Variants in PTPRG observed in about 807,000 individuals in gnomAD.
PTPRG encodes the protein protein tyrosine phosphatase receptor type G, also known as receptor-type tyrosine-protein phosphatase gamma.
Under a neutral mutation model 165.3 loss-of-function variants are expected in PTPRG, and 102 were observed. That is an observed-to-expected ratio of 0.62 (90% CI 0.53 to 0.73). The LOEUF (loss-of-function observed/expected upper bound fraction) is 0.73, where lower values mean the gene tolerates loss of function less well. PTPRG is among the 30% of genes least tolerant of loss of function. The pLI is 0.00. For missense variants in PTPRG, 1,866 were observed against 1,861.4 expected, an observed-to-expected ratio of 1.00 and a Z score of -0.05; for synonymous variants, 675 against 669.5, an observed-to-expected ratio of 1.01 and a Z score of -0.13.
At chr3:61,690,969 T>G (rs182965093) in intron 1 of PTPRG, among the ~76,000 whole-genome samples, 200 of 152,298 alleles carry the variant, frequency 1.3e-3, no homozygotes, top group Admixed American at 2.2e-3. Flanking sequence ...AATTGCTATG[T>G]TTTTACATAG....
chr3:62,225,992 A>G (rs1315290076), intron 13 of PTPRG, among the ~76,000 whole-genome samples: 1 of 152,190 alleles, frequency 6.6e-6, no homozygotes, highest in Non-Finnish European at 1.5e-5. Context: ...CATACTAGAC[A>G]TGTGCTCAGC....
chr3:61,612,677 CAG>C (rs1203195310), intron 1 of PTPRG, among the ~76,000 whole-genome samples: 6 of 152,146 alleles, frequency 3.9e-5, no homozygotes, highest in Non-Finnish European at 7.3e-5. Context: ...AGTGTATTCT[CAG>C]TGCAACACTT....
intron 2 of PTPRG, among the ~76,000 whole-genome samples, chr3:61,881,377 A>C (rs1241107745): frequency 6.6e-6 from 1 of 152,198 alleles, no homozygotes; most frequent in Non-Finnish European, 1.5e-5. Flanking sequence ...TGGTGGTAAC[A>C]TCTGCCTTGC....
intron 1 of PTPRG, among the ~76,000 whole-genome samples, chr3:61,686,381 C>T (rs1326323824): frequency 6.6e-6 from 1 of 152,224 alleles, no homozygotes; most frequent in Non-Finnish European, 1.5e-5. Flanking sequence ...CATGTTAGAA[C>T]TGGCCTGTGC....
intron 6 of PTPRG, among the ~76,000 whole-genome samples, chr3:62,145,576 T>C (rs918592464): frequency 6.6e-6 from 1 of 152,078 alleles, no homozygotes; most frequent in East Asian, 1.9e-4. Flanking sequence ...CGAAGATGAT[T>C]TGGGTAGCCA....
At chr3:62,100,847 T>G (rs1250745400) in intron 5 of PTPRG, among the ~76,000 whole-genome samples, 1 of 152,218 alleles carries the variant, frequency 6.6e-6, no homozygotes, top group Non-Finnish European at 1.5e-5. Flanking sequence ...CTTTTTTGTT[T>G]TGTTTCGTTT....
intron 27 of PTPRG, among the ~76,000 whole-genome samples, chr3:62,282,384 A>G (rs1599742): frequency 0.57 from 86,154 of 151,112 alleles, 25,276 homozygotes; most frequent in African/African-American, 0.69. Flanking sequence ...CCATATGACT[A>G]GTTAATTTTT....
chr3:61,662,351 G>C (rs1021578953), intron 1 of PTPRG, among the ~76,000 whole-genome samples: 1 of 152,128 alleles, frequency 6.6e-6, no homozygotes, highest in African/African-American at 2.4e-5. Context: ...CCTGTGGAGG[G>C]GCCTGTGTTG....
At chr3:61,583,725 A>T (rs1235240182) in intron 1 of PTPRG, among the ~76,000 whole-genome samples, 2 of 152,054 alleles carry the variant, frequency 1.3e-5, no homozygotes, top group African/African-American at 4.8e-5. Flanking sequence ...TGGCATCTTG[A>T]GCCACGTGAC....
Position 61,981,493 on chromosome 3 carries a change from A to G in PTPRG, c.191-8132A>G, listed in dbSNP as rs114597413. Among the ~76,000 whole-genome samples, 696 of 152,320 alleles carry G rather than the reference A, an allele frequency of 4.6e-3. 4 individuals are homozygous for G. The highest frequency in any genetic ancestry group is 0.015 in the African/African-American group (623 of 41,576). On this transcript the variant is annotated intron_variant, in intron 2 of 29. Coordinates refer to ENST00000474889, the MANE Select transcript of PTPRG (RefSeq NM_002841.4). ...TGGGTCAGGGTCATGCCATTTAGAT[A>G]TTAGTATTTGGATGTGTGTTCCTAG...
intron 1 of PTPRG, among the ~76,000 whole-genome samples, chr3:61,647,229 G>A (rs1462117185): frequency 6.6e-6 from 1 of 152,190 alleles, no homozygotes; most frequent in Non-Finnish European, 1.5e-5. Flanking sequence ...AATTGGCAGT[G>A]TTTGAACAGC....
intron 1 of PTPRG, among the ~76,000 whole-genome samples, chr3:61,722,720 GGTGAATTTTAT>G (rs2032102664): frequency 6.6e-6 from 1 of 152,126 alleles, no homozygotes. Flanking sequence ...AATGAGTAAC[GGTGAATTTTAT>G]GTTATGTCTG....
intron 1 of PTPRG, among the ~76,000 whole-genome samples, chr3:61,569,296 T>C (rs1699999674): frequency 6.6e-6 from 1 of 152,232 alleles, no homozygotes; most frequent in African/African-American, 2.4e-5. Context: ...CTAGCCGTGC[T>C]ACCTTAGAAA....
At chr3:62,120,722 C>T (rs540066351) in intron 5 of PTPRG, among the ~76,000 whole-genome samples, 14 of 150,594 alleles carry the variant, frequency 9.3e-5, no homozygotes, top group African/African-American at 2.4e-4. Context: ...TGCACTCCAG[C>T]CTGGGTGACA....
Position 61,742,625 on chromosome 3 carries a change from C to G in PTPRG, c.86-6253C>G, listed in dbSNP as rs891093281. 3.1e-6 allele frequency: 5 copies of G among 1,604,208 alleles called. No homozygotes were observed. In the Admixed American group the frequency reaches 6.7e-5, roughly 21 times the overall value. ...CCAACAGCTACAGCCAGACATAACA[C>G]CTTCTTCATTTGGAACTTGATTGTG... On this transcript the variant is annotated intron_variant, in intron 1 of 29. Coordinates refer to ENST00000474889, the MANE Select transcript of PTPRG (RefSeq NM_002841.4).
intron 1 of PTPRG, among the ~76,000 whole-genome samples, chr3:61,599,091 A>T (rs1261531019): frequency 1.3e-5 from 2 of 152,154 alleles, no homozygotes; most frequent in East Asian, 1.9e-4. Context: ...CAGTCAAGCA[A>T]CCTCAGTCAA....
intron 1 of PTPRG, among the ~76,000 whole-genome samples, chr3:61,705,089 A>G (rs1000775316): frequency 1.3e-5 from 2 of 152,212 alleles, no homozygotes; most frequent in Admixed American, 6.5e-5. Context: ...GGATAAAAAA[A>G]CACATGCACT....
intron 1 of PTPRG, among the ~76,000 whole-genome samples, chr3:61,689,254 A>C (rs545125867): frequency 1.3e-5 from 2 of 152,376 alleles, no homozygotes; most frequent in African/African-American, 4.8e-5. Context: ...AGTGATTCCT[A>C]TAACTGCTTC....
intron 8 of PTPRG, among the ~76,000 whole-genome samples, chr3:62,177,770 C>T (rs550303480): frequency 5.0e-4 from 76 of 152,282 alleles, no homozygotes; most frequent in Non-Finnish European, 7.9e-4. Flanking sequence ...CATAACTCAG[C>T]GCAAGGGTCC....
Sources: gnomAD v4.1 joint callset for allele counts (sites outside exome capture counted in the v4.1 genomes callset) on GRCh38, gnomAD v4.1.1 for gene constraint, MANE v1.5 for transcripts, NCBI Gene and HGNC (gene_info 2026-07-23, HGNC 2026-07-21) for gene names.